The following RPL37A variants were observed in gnomAD, a reference collection of about 807,000 sequenced individuals.
RPL37A encodes the protein large ribosomal subunit protein eL43.
In RPL37A, 5 loss-of-function variants were observed where a neutral mutation model predicts 13.6. The ratio of observed to expected loss-of-function variants is 0.37; its 90% CI spans 0.19 to 0.78. The LOEUF is 0.78. RPL37A is among the 30% of genes least tolerant of loss of function. RPL37A has a pLI of 0.49. For synonymous variants in RPL37A, 50 were observed against 44.4 expected, an observed-to-expected ratio of 1.13 and a Z score of -0.50; for missense variants, 77 against 120.0, an observed-to-expected ratio of 0.64 and a Z score of 1.67.
At chr2:216,501,023 A>T (rs58248208) in intron 3 of RPL37A, 7,121 of 211,166 alleles carry the variant, frequency 0.034, 279 homozygotes, top group East Asian at 0.16. Flanking sequence ...TGAGTTACTT[A>T]TAAAAAAAAA....
chr2:216,501,145 C>T (rs562197301), intron 3 of RPL37A, 196 bp from the exon 4 acceptor site: 4 of 481,356 alleles, frequency 8.3e-6, no homozygotes, highest in Admixed American at 7.5e-5. Flanking sequence ...CCACTAATTT[C>T]CGAGGAGTAA....
Position 216,499,984 on chromosome 2 carries a change from C to T in RPL37A, c.168C>T (p.His56=), listed in dbSNP as rs1197126346. The change falls in exon 3 of 4, where the codon CAC becomes CAT. Residue 56 remains histidine (H), a synonymous_variant. Coordinates refer to ENST00000491306, the MANE Select transcript of RPL37A (RefSeq NM_000998.5). ...AGAGACGAGCTGTGGGGATCTGGCACTGTGGTTCCTGCATGAAGACAGTGG... is the reference window on the plus strand; with the variant it reads ...AGAGACGAGCTGTGGGGATCTGGCATTGTGGTTCCTGCATGAAGACAGTGG... ...KMKRRAVGIW[H]CGSCMKTVAG... 3 of 1,613,968 alleles carry T rather than the reference C, an allele frequency of 1.9e-6. No individual in the cohort carries two copies. Among genetic ancestry groups the T allele is most frequent in the South Asian group, 2.2e-5 (2 of 91,086 alleles).
intron 2 of RPL37A, 35 bp downstream of exon 2, chr2:216,499,433 G>A: frequency 6.2e-7 from 1 of 1,610,390 alleles, no homozygotes. Context: ...AGAGGAGAGG[G>A]AGGGCAGGTT....
chr2:216,500,201 TA>T (rs1695575948), intron 3 of RPL37A, 170 bp downstream of exon 3: 1 of 619,426 alleles, frequency 1.6e-6, no homozygotes, highest in Non-Finnish European at 2.9e-6. Flanking sequence ...ATTGAAAGAG[TA>T]AACACAAAAC....
Position 216,499,942 on chromosome 2 carries a change from T to C in RPL37A, c.133-7T>C. ...GGTTCATAGTGAAAATTGGTTCTCT[T>C]TTATAGACCAAGATGAAGAGACGAG... On this transcript the variant is annotated splice_region_variant and splice_polypyrimidine_tract_variant and intron_variant, in intron 2 of 3. Coordinates refer to ENST00000491306, the MANE Select transcript of RPL37A (RefSeq NM_000998.5). The C allele has an allele frequency of 6.2e-7, 1 of 1,613,266 alleles. No homozygotes were observed. The highest frequency in any genetic ancestry group is 8.5e-7 in the Non-Finnish European group (1 of 1,179,218).
chr2:216,501,199 G>T, intron 3 of RPL37A, 142 bp from the exon 4 acceptor site: 1 of 610,120 alleles, frequency 1.6e-6, no homozygotes, highest in Non-Finnish European at 3.0e-6. Context: ...GCAAAGTATT[G>T]GTAGAGCAGT....
chr2:216,500,690 T>A (rs941496804), intron 3 of RPL37A: 1 of 152,354 alleles, frequency 6.6e-6, no homozygotes, highest in Non-Finnish European at 1.5e-5. Context: ...TAGGGCAGAA[T>A]GGAAAATGGG....
chr2:216,500,126 A>G, intron 3 of RPL37A, 95 bp downstream of exon 3: 4 of 869,404 alleles, frequency 4.6e-6, no homozygotes, highest in Non-Finnish European at 7.7e-6. Flanking sequence ...ACACTTTCTC[A>G]GGACTGAGAG....
intron 2 of RPL37A, 165 bp downstream of exon 2, chr2:216,499,563 A>G: frequency 2.4e-6 from 2 of 849,146 alleles, no homozygotes; most frequent in Admixed American, 2.9e-5. Flanking sequence ...GTAACTTCAG[A>G]TTTTGTGAGA....
At position 216,501,495 on chromosome 2, in the gene RPL37A, C is replaced by A; in HGVS notation, c.*91C>A. ...GCCTTGGCTTGTTAACTTTATTAGA[C>A]ATTCTGATGTTTGCATTGTGTAAAT... On this transcript the variant is annotated 3_prime_UTR_variant, in exon 4 of 4. Coordinates refer to ENST00000491306, the MANE Select transcript of RPL37A (RefSeq NM_000998.5). 1.2e-6 allele frequency: 1 copy of A among 830,800 alleles called. No individual in the cohort carries two copies. The highest frequency in any genetic ancestry group is 2.0e-6 in the Non-Finnish European group (1 of 497,324). The allele number at this position is 830,800 out of a possible 1,614,324, so 51.5% of individuals were successfully genotyped here.
chr2:216,498,904 G>T (rs146489461), intron 1 of RPL37A, 27 bp downstream of exon 1: 3 of 1,613,704 alleles, frequency 1.9e-6, no homozygotes, highest in East Asian at 2.2e-5. Flanking sequence ...GTGCGGCCTA[G>T]AACTCTATCT....
At chr2:216,500,810 A>G (rs553331111) in intron 3 of RPL37A, 8 of 152,444 alleles carry the variant, frequency 5.2e-5, no homozygotes, top group African/African-American at 1.9e-4. Flanking sequence ...AAACTTTTGT[A>G]GTCATTTCAA....
rs1426274195 is a variant in RPL37A, at chr2:216,503,115, A to G, written c.*1711A>G. 6.6e-6 allele frequency: 1 copy of G among 152,194 alleles called. No homozygotes were observed. The highest frequency in any genetic ancestry group is 2.4e-5 in the African/African-American group (1 of 41,470). The allele number at this position is 152,194 out of a possible 1,614,324, so 9.4% of individuals were successfully genotyped here. Reference sequence around the variant, plus strand: ...GTGAATCTCCTGGAGAATTCTCCATAGGATCTCCAGGTGAGTGACCAGGAT... The same window carrying G: ...GTGAATCTCCTGGAGAATTCTCCATGGGATCTCCAGGTGAGTGACCAGGAT... On this transcript the variant is annotated 3_prime_UTR_variant, in exon 4 of 4. Coordinates refer to ENST00000491306, the MANE Select transcript of RPL37A (RefSeq NM_000998.5).
rs980199883 is a variant in RPL37A at position 216,504,058 on chromosome 2, T to C, written c.*2654T>C. 6.6e-6 allele frequency: 1 copy of C among 152,234 alleles called. No homozygotes were observed. The highest frequency in any genetic ancestry group is 1.5e-5 in the Non-Finnish European group (1 of 68,036). 9.4% of individuals were successfully genotyped at this position (152,234 alleles called of 1,614,324 possible). A position where few individuals can be genotyped will look rare whatever the true frequency, so the allele number is the denominator to read the frequency against. On this transcript the variant is annotated 3_prime_UTR_variant, in exon 4 of 4. Transcript: ENST00000491306. ...TCTAATTGAACATTGTGTTGTGATATAAAAAGTAAGTTAGGCTTGTGTTTT... is the reference window on the plus strand; with the variant it reads ...TCTAATTGAACATTGTGTTGTGATACAAAAAGTAAGTTAGGCTTGTGTTTT...
intron 2 of RPL37A, 186 bp downstream of exon 2, chr2:216,499,584 T>A (rs1695561554): frequency 1.3e-6 from 1 of 785,632 alleles, no homozygotes; most frequent in Non-Finnish European, 2.0e-6. Context: ...CGTTTTTCAT[T>A]TAAAGAAAAC....
chr2:216,501,288 A>G, intron 3 of RPL37A, 53 bp from the exon 4 acceptor site: 2 of 1,487,852 alleles, frequency 1.3e-6, no homozygotes, highest in Admixed American at 1.8e-5. Flanking sequence ...CTTATTTGCC[A>G]TTTTCTATGT....
At chr2:216,499,135 A>G in intron 1 of RPL37A, 135 bp from the exon 2 acceptor site, 1 of 1,277,214 alleles carries the variant, frequency 7.8e-7, no homozygotes, top group Non-Finnish European at 1.1e-6. Flanking sequence ...CGTTGGGTTG[A>G]ATTTAGGGAA....
Position 216,499,963 on chromosome 2 carries a change from A to G in RPL37A, c.147A>G (p.Arg49=), listed in dbSNP as rs1445737451. 6.2e-7 allele frequency: 1 copy of G among 1,614,124 alleles called. No individual in the cohort carries two copies. The highest frequency in any genetic ancestry group is 8.5e-7 in the Non-Finnish European group (1 of 1,179,964). The change falls in exon 3 of 4, where the codon AGA becomes AGG. Residue 49 remains arginine (R), a synonymous_variant. Transcript: ENST00000491306. Reference sequence around the variant, plus strand: ...CTCTTTTATAGACCAAGATGAAGAGACGAGCTGTGGGGATCTGGCACTGTG... The same window carrying G: ...CTCTTTTATAGACCAAGATGAAGAGGCGAGCTGTGGGGATCTGGCACTGTG... ...CSFCGKTKMK[R]RAVGIWHCGS...
intron 2 of RPL37A, 115 bp downstream of exon 2, chr2:216,499,513 C>A: frequency 8.2e-7 from 1 of 1,216,320 alleles, no homozygotes; most frequent in Non-Finnish European, 1.1e-6. Context: ...TGGAATTACT[C>A]ATACCGTTGA....
Sources: gnomAD v4.1 joint callset for allele counts on GRCh38, gnomAD v4.1.1 for gene constraint, MANE v1.5 for transcripts, NCBI Gene and HGNC (gene_info 2026-07-23, HGNC 2026-07-21) for gene names.